PPFIA1: variants seen among roughly 807,000 people sequenced by gnomAD.
PPFIA1 encodes the protein PPFI scaffold protein A1, also known as liprin-alpha-1.
Under a neutral mutation model 149.9 loss-of-function variants are expected in PPFIA1, and 25 were observed. The observed-to-expected ratio is 0.17, with a 90% CI of 0.12 to 0.23. The LOEUF (loss-of-function observed/expected upper bound fraction) is 0.23. Among genes scored for constraint, PPFIA1 ranks in the 10% least tolerant of loss-of-function variants. The pLI is 1.00. For missense variants in PPFIA1, 1,362 were observed against 1,506.5 expected, an observed-to-expected ratio of 0.90 and a Z score of 1.59; for synonymous variants, 549 against 552.8, an observed-to-expected ratio of 0.99 and a Z score of 0.10.
In PPFIA1 at chr11:70,375,053, C is replaced by T. The variant is rs759101873; in HGVS notation, c.3275C>T (p.Ala1092Val). Reference sequence around the variant, plus strand: ...TTAGATGAAACCTTCGACTTCAGTGCACTGGCACTGCTGTTACAGATCCCG... The same window carrying T: ...TTAGATGAAACCTTCGACTTCAGTGTACTGGCACTGCTGTTACAGATCCCG... ...LALDETFDFS[A>V]LALLLQIPTQ... The change falls in exon 24 of 28, where the codon GCA becomes GTA. Residue 1092 changes from alanine (A) to valine (V), a missense_variant. Physicochemically the swap from Ala to Val is moderately conservative, Grantham distance 64. Around this residue, in one of 7 missense-constraint regions of PPFIA1, gnomAD observed 349 missense variants for 373.3 expected, o/e 0.93. Coordinates refer to ENST00000253925, the MANE Select transcript of PPFIA1 (RefSeq NM_003626.5). 3 of 1,613,456 alleles carry T rather than the reference C, an allele frequency of 1.9e-6. No homozygotes were observed. In the Admixed American group the frequency reaches 5.0e-5, roughly 27 times the overall value.
At chr11:70,344,367 A>C (rs999828829) in intron 15 of PPFIA1, among the ~76,000 whole-genome samples, 1 of 152,236 alleles carries the variant, frequency 6.6e-6, no homozygotes, top group Non-Finnish European at 1.5e-5. Context: ...AATGAATAGC[A>C]GTGGCTGCCT....
chr11:70,272,472 C>T, intron 2 of PPFIA1, 36 bp downstream of exon 2: 2 of 1,547,378 alleles, frequency 1.3e-6, no homozygotes, highest in Non-Finnish European at 1.7e-6. Flanking sequence ...ATAGATTTTT[C>T]TCCACTAAAT....
rs527822290 is a variant in PPFIA1, at chr11:70,356,647, T to A, written c.2582+393T>A. ...TAGTAGTACATACCTTGTATGGCTT[T>A]TATGAGAATTAAATGGGATAATGTG... On this transcript the variant is annotated intron_variant, in intron 19 of 27. Coordinates refer to ENST00000253925, the MANE Select transcript of PPFIA1 (RefSeq NM_003626.5). Among the ~76,000 whole-genome samples, 5 of 152,348 alleles carry A rather than the reference T, an allele frequency of 3.3e-5. No homozygotes were observed. In the East Asian group the frequency reaches 9.6e-4, roughly 29 times the overall value.
Position 70,383,389 on chromosome 11 carries a change from A to G in PPFIA1, c.*399A>G, listed in dbSNP as rs2057779156. The G allele has an allele frequency of 5.6e-6, 1 of 178,384 alleles. No individual in the cohort carries two copies. The highest frequency in any genetic ancestry group is 2.4e-5 in the African/African-American group (1 of 41,572). 11.1% of individuals were successfully genotyped at this position (178,384 alleles called of 1,614,324 possible). A position where few individuals can be genotyped will look rare whatever the true frequency, so the allele number is the denominator to read the frequency against. On this transcript the variant is annotated 3_prime_UTR_variant, in exon 28 of 28. Transcript: ENST00000253925. The stretch of plus-strand genomic sequence containing the variant: ...AAATTATGCATTTATTGTAATTATC[A>G]TTAATTTTTTAATGATAAACCATGA...
intron 5 of PPFIA1, 50 bp from the exon 6 acceptor site, chr11:70,326,212 T>G (rs752389792): frequency 9.3e-7 from 1 of 1,073,786 alleles, no homozygotes; most frequent in Non-Finnish European, 1.4e-6. Context: ...TCTTTACTTA[T>G]TTCTCTTATG....
At chr11:70,295,485 G>A (rs1456166105) in intron 2 of PPFIA1, among the ~76,000 whole-genome samples, 2 of 140,054 alleles carry the variant, frequency 1.4e-5, no homozygotes, top group African/African-American at 5.4e-5. Flanking sequence ...CCTCCTGGAC[G>A]GGGCGGCTGG....
chr11:70,272,399 A>T lies in PPFIA1; in HGVS notation c.227A>T (p.Asp76Val). ...GKLHEVGHER[D>V]SLQRQLNTAL... ...TTACACGAGGTTGGTCATGAAAGAG[A>T]TTCCTTGCAGAGACAGCTCAACACG... Residue 76 changes from aspartate to valine, a missense_variant, in exon 2 of 28, where the codon GAT becomes GTT. Coordinates refer to ENST00000253925, the MANE Select transcript of PPFIA1 (RefSeq NM_003626.5). The T allele has an allele frequency of 6.2e-7, 1 of 1,614,170 alleles. No homozygotes were observed. The highest frequency in any genetic ancestry group is 1.1e-5 in the South Asian group (1 of 91,084).
chr11:70,308,006 A>G (rs2052983555), intron 2 of PPFIA1, among the ~76,000 whole-genome samples: 2 of 152,224 alleles, frequency 1.3e-5, no homozygotes, highest in African/African-American at 4.8e-5. Flanking sequence ...GTTAGGGCCA[A>G]AATGTATTTA....
At chr11:70,337,338 A>C in intron 11 of PPFIA1, 27 bp from the exon 12 acceptor site, 1 of 1,502,038 alleles carries the variant, frequency 6.7e-7, no homozygotes, top group South Asian at 1.2e-5. Context: ...TTAAAGAAAC[A>C]CTAAAGGACT....
At chr11:70,371,305 A>G (rs1334940401) in intron 21 of PPFIA1, 5 of 30 alleles carry the variant, frequency 0.17, no homozygotes, top group East Asian at 0.5. Flanking sequence ...AGAATATACT[A>G]TACAGACATT....
intron 14 of PPFIA1, among the ~76,000 whole-genome samples, chr11:70,341,362 A>G (rs1336396983): frequency 6.6e-6 from 1 of 152,020 alleles, no homozygotes; most frequent in African/African-American, 2.4e-5. Context: ...ATGGAGTGCC[A>G]ACAAGATTTG....
chr11:70,333,142 T>C (rs114364750), intron 9 of PPFIA1: 1 of 488,464 alleles, frequency 2.0e-6, no homozygotes, highest in East Asian at 5.9e-5. Flanking sequence ...CGCTGCTTTC[T>C]GCTTTCCATG....
chr11:70,327,427 A>G (rs2054371247), intron 7 of PPFIA1: 1 of 152,504 alleles, frequency 6.6e-6, no homozygotes, highest in South Asian at 2.1e-4. Flanking sequence ...AATATGTCAC[A>G]ATATACTCAT....
Position 70,303,835 on chromosome 11 carries a change from G to A in PPFIA1, c.265-20567G>A, listed in dbSNP as rs141542455. Among the ~76,000 whole-genome samples the A allele has an allele frequency of 6.0e-3, 914 of 152,118 alleles. 10 individuals carry two copies. The highest frequency in any genetic ancestry group is 0.02 in the African/African-American group (825 of 41,510). ...AGCCTGGCCAACATGGTGAAACCCC[G>A]TCTCTACTAAAAATACAAAAATTAG... On this transcript the variant is annotated intron_variant, in intron 2 of 27. Coordinates refer to ENST00000253925, the MANE Select transcript of PPFIA1 (RefSeq NM_003626.5).
At position 70,354,395 on chromosome 11, in the gene PPFIA1, G is replaced by A. The variant is rs370933248; in HGVS notation, c.2258G>A (p.Arg753Gln). ...TCCCCGAGAGCCCTTCGGTTAGACC[G>A]GCTGCACAAAGGGGCGCTGCACACC... ...PSSPRALRLD[R>Q]LHKGALHTVS... The change falls in exon 17 of 28, where the codon CGG becomes CAG. Residue 753 changes from arginine to glutamine, a missense_variant. Coordinates refer to ENST00000253925, the MANE Select transcript of PPFIA1 (RefSeq NM_003626.5). 1.4e-5 allele frequency: 23 copies of A among 1,613,834 alleles called. No individual in the cohort carries two copies. Among genetic ancestry groups the A allele is most frequent in the South Asian group, 6.6e-5 (6 of 91,052 alleles).
intron 19 of PPFIA1, among the ~76,000 whole-genome samples, chr11:70,356,812 C>T (rs2056384716): frequency 6.6e-6 from 1 of 152,226 alleles, no homozygotes. Context: ...CTGCATTTTT[C>T]TCTCTTCCGT....
chr11:70,293,029 T>C (rs1324654550), intron 2 of PPFIA1, among the ~76,000 whole-genome samples: 1 of 152,244 alleles, frequency 6.6e-6, no homozygotes, highest in East Asian at 1.9e-4. Context: ...GAGCCTAGTC[T>C]GAGCAAGGTG....
intron 21 of PPFIA1, among the ~76,000 whole-genome samples, chr11:70,367,954 T>TG (rs1346214587): frequency 8.6e-5 from 13 of 151,982 alleles, no homozygotes; most frequent in Non-Finnish European, 1.5e-4. Flanking sequence ...CTGGGCAACG[T>TG]GGGGAAACCC....
intron 2 of PPFIA1, chr11:70,283,864 C>T (rs2050926990): frequency 2.2e-6 from 1 of 462,836 alleles, no homozygotes. Flanking sequence ...CAGGGATGCT[C>T]CTAAACATTC....
Sources: allele counts gnomAD v4.1 joint callset (sites outside exome capture counted in the v4.1 genomes callset), GRCh38; gene constraint gnomAD v4.1.1; regional missense constraint gnomAD v4.1.1; transcripts MANE v1.5; gene names NCBI Gene and HGNC (gene_info 2026-07-23, HGNC 2026-07-21).